The following SEMA5A variants were observed in gnomAD, a reference collection of about 807,000 sequenced individuals.
SEMA5A encodes the protein semaphorin-5A.
Under a neutral mutation model 135.5 loss-of-function variants are expected in SEMA5A, and 55 were observed. That is an observed-to-expected ratio of 0.41 (90% CI 0.33 to 0.51). The LOEUF (loss-of-function observed/expected upper bound fraction) is 0.51, where lower values mean the gene tolerates loss of function less well. Among genes scored for constraint, SEMA5A ranks in the 20% least tolerant of loss-of-function variants. The pLI is 0.37. For synonymous variants in SEMA5A, 580 were observed against 546.5 expected (o/e 1.06, Z -0.85); for missense variants, 1,290 against 1,419.9 (o/e 0.91, Z 1.47).
At chr5:9,281,788 G>A (rs1579274420) in intron 5 of SEMA5A, among the ~76,000 whole-genome samples, 1 of 150,044 alleles carries the variant, frequency 6.7e-6, no homozygotes, top group Non-Finnish European at 1.5e-5. Context: ...ATGGACATCA[G>A]TCAATAATTT....
chr5:9,167,345 G>A (rs1209491418), intron 11 of SEMA5A, among the ~76,000 whole-genome samples: 6 of 152,074 alleles, frequency 3.9e-5, no homozygotes, highest in South Asian at 2.1e-4. Flanking sequence ...CAGGCGTACC[G>A]CATGCAACTA....
chr5:9,119,585 C>T (rs1740701332), intron 14 of SEMA5A, among the ~76,000 whole-genome samples: 1 of 152,138 alleles, frequency 6.6e-6, no homozygotes, highest in African/African-American at 2.4e-5. Context: ...TCATCTAAAA[C>T]TGCCGAAAAT....
chr5:9,216,285 A>G (rs544341976), intron 8 of SEMA5A, among the ~76,000 whole-genome samples: 67 of 152,260 alleles, frequency 4.4e-4, no homozygotes, highest in African/African-American at 1.6e-3. Flanking sequence ...CCATGTAGTT[A>G]CATGGTTTTT....
intron 2 of SEMA5A, among the ~76,000 whole-genome samples, chr5:9,391,242 C>T (rs1350705727): frequency 2.0e-5 from 3 of 152,232 alleles, no homozygotes; most frequent in Non-Finnish European, 2.9e-5. Context: ...AGAGACCTCA[C>T]TGACCAGGAT....
chr5:9,193,849 A>T (rs1245072898), intron 10 of SEMA5A, among the ~76,000 whole-genome samples: 6 of 152,210 alleles, frequency 3.9e-5, no homozygotes, highest in Non-Finnish European at 7.3e-5. Flanking sequence ...GTGAGCTGAG[A>T]TCGTACCACT....
At chr5:9,294,013 G>A (rs1292937510) in intron 5 of SEMA5A, among the ~76,000 whole-genome samples, 2 of 151,978 alleles carry the variant, frequency 1.3e-5, no homozygotes, top group African/African-American at 4.8e-5. Context: ...TGCCAATAGT[G>A]GTATAAGTGA....
intron 8 of SEMA5A, 148 bp from the exon 9 acceptor site, chr5:9,202,388 C>T (rs894805742): frequency 3.6e-5 from 24 of 675,328 alleles, no homozygotes; most frequent in Admixed American, 2.5e-4. Context: ...CCGTGAGCAG[C>T]TTAATGATCT....
intron 11 of SEMA5A, among the ~76,000 whole-genome samples, chr5:9,181,791 C>T (rs980897347): frequency 1.3e-5 from 2 of 152,164 alleles, no homozygotes; most frequent in Non-Finnish European, 2.9e-5. Context: ...GCAAAACTGT[C>T]TGCTGACACC....
At chr5:9,219,438 G>A (rs1746809915) in intron 8 of SEMA5A, among the ~76,000 whole-genome samples, 1 of 152,074 alleles carries the variant, frequency 6.6e-6, no homozygotes, top group South Asian at 2.1e-4. Flanking sequence ...TTATGTTAAG[G>A]TCCCAGCCCC....
chr5:9,205,040 T>C (rs745514217), intron 8 of SEMA5A, among the ~76,000 whole-genome samples: 5 of 152,172 alleles, frequency 3.3e-5, no homozygotes, highest in Admixed American at 6.5e-5. Context: ...AACTGGTTCT[T>C]AGTCCCAAAA....
At chr5:9,435,150 A>G (rs1002477248) in intron 2 of SEMA5A, among the ~76,000 whole-genome samples, 1 of 152,196 alleles carries the variant, frequency 6.6e-6, no homozygotes, top group African/African-American at 2.4e-5. Context: ...CTCATAATAA[A>G]AGAGGGATAT....
chr5:9,406,441 G>A (rs1756889993), intron 2 of SEMA5A, among the ~76,000 whole-genome samples: 1 of 152,126 alleles, frequency 6.6e-6, no homozygotes, highest in Non-Finnish European at 1.5e-5. Flanking sequence ...CTCAATTCCA[G>A]TGAGAATTGA....
intron 7 of SEMA5A, among the ~76,000 whole-genome samples, chr5:9,225,388 C>CT (rs1747240689): frequency 4.8e-5 from 2 of 41,402 alleles, no homozygotes; most frequent in East Asian, 7.9e-4. Flanking sequence ...CCCATCTCTA[C>CT]TAAAAAAAAA....
Position 9,041,946 on chromosome 5 carries a change from G to A in SEMA5A, c.*951C>T, listed in dbSNP as rs1225072940. 1 of 152,536 alleles carries A rather than the reference G, an allele frequency of 6.6e-6. No homozygotes were observed. The highest frequency in any genetic ancestry group is 1.5e-5 in the Non-Finnish European group (1 of 68,020). The allele number at this position is 152,536 out of a possible 1,614,324, so 9.4% of individuals were successfully genotyped here. ...AAAAGTTGCTTTTAGTTATAATTTAGTATTTTCAATACTTTCACTAATTGA... is the reference window on the plus strand; with the variant it reads ...AAAAGTTGCTTTTAGTTATAATTTAATATTTTCAATACTTTCACTAATTGA... On this transcript the variant is annotated 3_prime_UTR_variant, in exon 23 of 23. Coordinates refer to ENST00000382496, the MANE Select transcript of SEMA5A (RefSeq NM_003966.3).
At chr5:9,269,497 AGC>A in intron 5 of SEMA5A, among the ~76,000 whole-genome samples, 2 of 152,154 alleles carry the variant, frequency 1.3e-5, no homozygotes, top group African/African-American at 4.8e-5. Flanking sequence ...TGTCTAAGTT[AGC>A]GTACTCACTT....
intron 18 of SEMA5A, among the ~76,000 whole-genome samples, chr5:9,061,066 C>G (rs1410294436): frequency 6.6e-6 from 1 of 151,794 alleles, no homozygotes; most frequent in Admixed American, 6.6e-5. Context: ...CATGATTTCT[C>G]CTTGGTGAAA....
chr5:9,237,485 T>A (rs1747972230), intron 6 of SEMA5A, among the ~76,000 whole-genome samples: 1 of 152,226 alleles, frequency 6.6e-6, no homozygotes, highest in South Asian at 2.1e-4. Context: ...TAGATTTAGC[T>A]GTAAAGTAAG....
chr5:9,430,503 G>A (rs925671971), intron 2 of SEMA5A, among the ~76,000 whole-genome samples: 6 of 152,134 alleles, frequency 3.9e-5, no homozygotes, highest in Non-Finnish European at 5.9e-5. Context: ...GAACCTTATG[G>A]GACTCCAGTG....
chr5:9,394,002 T>A (rs1460070404), intron 2 of SEMA5A, among the ~76,000 whole-genome samples: 1 of 151,984 alleles, frequency 6.6e-6, no homozygotes, highest in African/African-American at 2.4e-5. Context: ...AAAAGAATAA[T>A]ATAGTAAATC....
Sources: allele counts gnomAD v4.1 joint callset (sites outside exome capture counted in the v4.1 genomes callset), GRCh38; gene constraint gnomAD v4.1.1; transcripts MANE v1.5; gene names NCBI Gene and HGNC (gene_info 2026-07-23, HGNC 2026-07-21).